C17orf113: variants seen among roughly 807,000 people sequenced by gnomAD.
C17orf113 encodes uncharacterized protein C17orf113.
A neutral mutation model predicts 11.6 loss-of-function variants in C17orf113; 5 were observed. That is an observed-to-expected ratio of 0.43 (90% CI 0.23 to 0.91). C17orf113 has a LOEUF of 0.91. Ranked by LOEUF, C17orf113 falls within the 40% of genes least tolerant of loss-of-function variation. The pLI is 0.26. For missense variants in C17orf113, 714 were observed against 841.3 expected (o/e 0.85, Z 1.87); for synonymous variants, 327 against 390.6 (o/e 0.84, Z 1.92).
chr17:42,039,667 G>C lies in C17orf113; in HGVS notation c.*38C>G. 1 of 1,231,464 alleles carries C rather than the reference G, an allele frequency of 8.1e-7. No homozygotes were observed. Among genetic ancestry groups the C allele is most frequent in the Middle Eastern group, 3.1e-4 (1 of 3,214 alleles). The allele number at this position is 1,231,464 out of a possible 1,614,324, so 76.3% of individuals were successfully genotyped here. A position where few individuals can be genotyped will look rare whatever the true frequency, so the allele number is the denominator to read the frequency against. ...CTAGGTTGGCCCTTACAGTGCCCAGGGCCCCAGGCTGGATGGGCCGAGGGA... is the reference window on the plus strand; with the variant it reads ...CTAGGTTGGCCCTTACAGTGCCCAGCGCCCCAGGCTGGATGGGCCGAGGGA... On this transcript the variant is annotated 3_prime_UTR_variant, in exon 3 of 3. Transcript: ENST00000587304.
At position 42,040,107 on chromosome 17, in the gene C17orf113, C is replaced by T; in HGVS notation, c.1626G>A (p.Arg542=). ...CAGGAGCAAAGCCGCGCAGCAGCACCCGCAGCGCCCCCTCGCCATGCGTGC... is the reference window on the plus strand; with the variant it reads ...CAGGAGCAAAGCCGCGCAGCAGCACTCGCAGCGCCCCCTCGCCATGCGTGC... ...ELGTHGEGAL[R]VLLRGFAPAV... Residue 542 remains arginine (R), a synonymous_variant, in exon 3 of 3, where the codon CGG becomes CGA. Coordinates refer to ENST00000587304, the MANE Select transcript of C17orf113 (RefSeq NM_001358661.2). 1 of 1,231,326 alleles carries T rather than the reference C, an allele frequency of 8.1e-7. No individual in the cohort carries two copies. Among genetic ancestry groups the T allele is most frequent in the Non-Finnish European group, 1.0e-6 (1 of 987,658 alleles). The allele number at this position is 1,231,326 out of a possible 1,614,324, so 76.3% of individuals were successfully genotyped here.
At chr17:42,045,776 G>A (rs2053147417) in intron 1 of C17orf113, among the ~76,000 whole-genome samples, 1 of 152,140 alleles carries the variant, frequency 6.6e-6, no homozygotes, top group African/African-American at 2.4e-5. Context: ...GAGACAGCAA[G>A]CTCACACATA....
intron 1 of C17orf113, among the ~76,000 whole-genome samples, chr17:42,047,620 C>T (rs1158645540): frequency 1.3e-5 from 2 of 151,916 alleles, no homozygotes; most frequent in Non-Finnish European, 2.9e-5. Flanking sequence ...GGAAAGGCTG[C>T]CAGATGCAAT....
chr17:42,040,541 C>G lies in C17orf113; in HGVS notation c.1192G>C (p.Val398Leu). ...TCCAGCAGCAGGTGGGTGAAGGCCA[C>G]GAAGGTGAACTGGCGCAGGGCCAGG... The part of the protein sequence containing the change: ...LALALRQFTF[V>L]AFTHLLLDAL... The change falls in exon 3 of 3, where the codon GTG (valine) becomes CTG (leucine). Residue 398 changes from valine (V) to leucine (L), a missense_variant. Transcript: ENST00000587304. 2.4e-6 allele frequency: 3 copies of G among 1,233,060 alleles called. No homozygotes were observed. Among genetic ancestry groups the G allele is most frequent in the South Asian group, 4.1e-5 (1 of 24,340 alleles). 76.4% of individuals were successfully genotyped at this position (1,233,060 alleles called of 1,614,324 possible).
chr17:42,048,097 C>T (rs73309779), intron 1 of C17orf113, among the ~76,000 whole-genome samples: 8 of 152,132 alleles, frequency 5.3e-5, no homozygotes, highest in Non-Finnish European at 1.0e-4. Context: ...CTCCTCCCCC[C>T]CTTCCCAACT....
At chr17:42,046,188 C>G (rs1305081472) in intron 1 of C17orf113, among the ~76,000 whole-genome samples, 1 of 152,156 alleles carries the variant, frequency 6.6e-6, no homozygotes, top group Non-Finnish European at 1.5e-5. Flanking sequence ...CTGTACATAT[C>G]TCTGCACTGA....
Position 42,043,351 on chromosome 17 carries a change from G to T in C17orf113, c.26C>A (p.Ala9Glu). The change falls in exon 2 of 3, where the codon GCG becomes GAG. Residue 9 changes from alanine to glutamate, a missense_variant. Physicochemically the swap from Ala to Glu is moderately radical, Grantham distance 107. Around this residue, in one of 3 missense-constraint regions of C17orf113, gnomAD observed 516 missense variants for 626.6 expected, o/e 0.82. Transcript: ENST00000587304. The part of the protein sequence containing the change: MVPPGKKP[A>E]GEASNSNKKC... ...CTTGTTGGAGTTGGAGGCCTCTCCC[G>T]CTGGTTTCTTCCCTGGGGGCACCAT... is the stretch of plus-strand genomic sequence containing the variant. 1 of 1,232,220 alleles carries T rather than the reference G, an allele frequency of 8.1e-7. No homozygotes were observed. The highest frequency in any genetic ancestry group is 1.0e-6 in the Non-Finnish European group (1 of 988,018). The allele number at this position is 1,232,220 out of a possible 1,614,324, so 76.3% of individuals were successfully genotyped here. A position where few individuals can be genotyped will look rare whatever the true frequency, so the allele number is the denominator to read the frequency against.
At chr17:42,045,922 T>C (rs1208004577) in intron 1 of C17orf113, among the ~76,000 whole-genome samples, 1 of 152,218 alleles carries the variant, frequency 6.6e-6, no homozygotes, top group Non-Finnish European at 1.5e-5. Context: ...CCGCCATTCC[T>C]GTCTGCCCAA....
Position 42,043,529 on chromosome 17 carries a change from C to A in C17orf113, c.-153G>T, listed in dbSNP as rs1370285386. 1 of 530,206 alleles carries A rather than the reference C, an allele frequency of 1.9e-6. No homozygotes were observed. The highest frequency in any genetic ancestry group is 2.9e-6 in the Non-Finnish European group (1 of 347,904). The allele number at this position is 530,206 out of a possible 1,614,324, so 32.8% of individuals were successfully genotyped here. Reference sequence around the variant, plus strand: ...GGCTAACAGGGCCCATCCATCTAAGCCTGGAGAGTTTATTCCTGCTCTGCC... The same window carrying A: ...GGCTAACAGGGCCCATCCATCTAAGACTGGAGAGTTTATTCCTGCTCTGCC... On this transcript the variant is annotated 5_prime_UTR_variant, in exon 2 of 3. Coordinates refer to ENST00000587304, the MANE Select transcript of C17orf113 (RefSeq NM_001358661.2).
At chr17:42,045,253 G>A (rs9895666) in intron 1 of C17orf113, among the ~76,000 whole-genome samples, 2,191 of 151,918 alleles carry the variant, frequency 0.014, 41 homozygotes, top group African/African-American at 0.05. Context: ...GGGTTTCACC[G>A]TGTTAGCCAG....
At chr17:42,046,063 C>G (rs2053153861) in intron 1 of C17orf113, among the ~76,000 whole-genome samples, 1 of 152,216 alleles carries the variant, frequency 6.6e-6, no homozygotes, top group Admixed American at 6.5e-5. Context: ...GAGAGCAGCT[C>G]AGATATCCCT....
At position 42,040,021 on chromosome 17, in the gene C17orf113, A is replaced by T. The variant is rs1231295341; in HGVS notation, c.1712T>A (p.Leu571His). The T allele has an allele frequency of 8.1e-7, 1 of 1,230,938 alleles. No homozygotes were observed. The highest frequency in any genetic ancestry group is 4.2e-5 in the Admixed American group (1 of 23,682). 76.3% of individuals were successfully genotyped at this position (1,230,938 alleles called of 1,614,324 possible). A position where few individuals can be genotyped will look rare whatever the true frequency, so the allele number is the denominator to read the frequency against. ...CAGGGCCCGCGGGCCGAGCCGCCCA[A>T]GGCCGAATACTACGCGCTTAAACAG... is the stretch of plus-strand genomic sequence containing the variant. The part of the protein sequence containing the change: ...FALFKRVVFG[L>H]GRLGPRALCT... The change falls in exon 3 of 3, where the codon CTT (leucine) becomes CAT (histidine). Residue 571 changes from leucine to histidine, a missense_variant. Leu to His is a moderately conservative substitution (Grantham distance 99). This residue lies in a region of C17orf113 where 194 missense variants were observed against 197.2 expected (regional missense o/e 0.98). Transcript: ENST00000587304.
At chr17:42,042,662 G>A (rs2053053362) in intron 2 of C17orf113, among the ~76,000 whole-genome samples, 172 bp downstream of exon 2, 1 of 152,232 alleles carries the variant, frequency 6.6e-6, no homozygotes. Flanking sequence ...TTGTATCCCT[G>A]CAGCTGGCCC....
Position 42,045,648 on chromosome 17 carries a change from C to A in C17orf113, c.-187-2085G>T, listed in dbSNP as rs1395577598. ...AGACCCTGGTCTGTACTGTCTCTCTCCCTCCAGCTGCCTAGCCTTGGCCCA... is the reference window on the plus strand; with the variant it reads ...AGACCCTGGTCTGTACTGTCTCTCTACCTCCAGCTGCCTAGCCTTGGCCCA... On this transcript the variant is annotated intron_variant, in intron 1 of 2. Coordinates refer to ENST00000587304, the MANE Select transcript of C17orf113 (RefSeq NM_001358661.2). Among the ~76,000 whole-genome samples the A allele has an allele frequency of 9.2e-5, 14 of 152,340 alleles. 1 individual carries two copies. The highest frequency in any genetic ancestry group is 9.2e-4 in the Admixed American group (14 of 15,296).
intron 1 of C17orf113, among the ~76,000 whole-genome samples, chr17:42,044,343 G>T (rs1354614309): frequency 1.3e-5 from 2 of 149,502 alleles, no homozygotes; most frequent in South Asian, 4.2e-4. Flanking sequence ...ACGGCCGGGT[G>T]GGGTGGCTCA....
rs1200556791 is a variant in C17orf113, at chr17:42,050,228, C to A, written c.-188+329G>T. ...GCCTCAAACAGTATTCATGTGGCCC[C>A]AGAATGTGGGTCCCGAGCCTCCTCC... On this transcript the variant is annotated intron_variant, in intron 1 of 2. Coordinates refer to ENST00000587304, the MANE Select transcript of C17orf113 (RefSeq NM_001358661.2). This position sits in a 1 kb window ranked among gnomAD's most constrained non-coding sequence, Gnocchi z 5.6. Among the ~76,000 whole-genome samples the A allele has an allele frequency of 1.3e-5, 2 of 152,220 alleles. No individual in the cohort carries two copies. The highest frequency in any genetic ancestry group is 2.9e-5 in the Non-Finnish European group (2 of 68,032).
At position 42,050,518 on chromosome 17, in the gene C17orf113, G is replaced by A. The variant is rs2053259643; in HGVS notation, c.-188+39C>T. On this transcript the variant is annotated intron_variant, in intron 1 of 2. Coordinates refer to ENST00000587304, the MANE Select transcript of C17orf113 (RefSeq NM_001358661.2). This position sits in a 1 kb window ranked among gnomAD's most constrained non-coding sequence, Gnocchi z 5.6. ...CGCCCGCTCCGGGAGGGGGCGTCCAGCCCGGCCTGGCGCCCCCGCCCCGTC... is the reference window on the plus strand; with the variant it reads ...CGCCCGCTCCGGGAGGGGGCGTCCAACCCGGCCTGGCGCCCCCGCCCCGTC... 1 of 152,098 alleles carries A rather than the reference G, an allele frequency of 6.6e-6. No homozygotes were observed. The highest frequency in any genetic ancestry group is 2.4e-5 in the African/African-American group (1 of 41,394). 9.4% of individuals were successfully genotyped at this position (152,098 alleles called of 1,614,324 possible).
chr17:42,041,327 A>G, intron 2 of C17orf113, 138 bp from the exon 3 acceptor site: 3 of 717,784 alleles, frequency 4.2e-6, no homozygotes, highest in Non-Finnish European at 5.8e-6. Context: ...TGGCTTTGCC[A>G]CTTACTGGCT....
In C17orf113 at chr17:42,039,818, T is replaced by TGTGGCCCCCCCGGCCTTCC; in HGVS notation, c.1896_1914dup (p.Met639GlyfsTer21). ...GGCCCATCCACTGCGATCTTCACCA[T>TGTGGCCCCCCCGGCCTTCC]GTGGCCCCCCCGGCCTTCCCCGGCC... On this transcript the variant is annotated frameshift_variant, in exon 3 of 3. Coordinates refer to ENST00000587304, the MANE Select transcript of C17orf113 (RefSeq NM_001358661.2). LOFTEE classifies it high-confidence loss of function. The TGTGGCCCCCCCGGCCTTCC allele has an allele frequency of 8.1e-7, 1 of 1,230,748 alleles. No homozygotes were observed. Among genetic ancestry groups the TGTGGCCCCCCCGGCCTTCC allele is most frequent in the African/African-American group, 1.6e-5 (1 of 64,328 alleles). 76.2% of individuals were successfully genotyped at this position (1,230,748 alleles called of 1,614,324 possible).
Sources: gnomAD v4.1 joint callset for allele counts (sites outside exome capture counted in the v4.1 genomes callset) on GRCh38, gnomAD v4.1.1 for gene constraint, gnomAD v4.1.1 regional missense constraint, Gnocchi (gnomAD v3.1) non-coding constraint, MANE v1.5 for transcripts, NCBI Gene and HGNC (gene_info 2026-07-23, HGNC 2026-07-21) for gene names.